Variants in RAD51B observed in about 807,000 individuals in gnomAD.
RAD51B encodes the protein DNA repair protein RAD51 homolog 2.
A neutral mutation model predicts 42.2 loss-of-function variants in RAD51B; 38 were observed. The observed-to-expected ratio is 0.90, with a 90% CI of 0.70 to 1.18. The LOEUF is 1.18. RAD51B is among the 50% of genes most tolerant of loss of function. The pLI is 0.00. For missense variants in RAD51B, 373 were observed against 400.7 expected, an observed-to-expected ratio of 0.93 and a Z score of 0.59; for synonymous variants, 154 against 145.2, an observed-to-expected ratio of 1.06 and a Z score of -0.43.
intron 7 of RAD51B, among the ~76,000 whole-genome samples, chr14:68,276,426 A>G (rs2081226538): frequency 6.6e-6 from 1 of 152,100 alleles, no homozygotes; most frequent in Admixed American, 6.5e-5. Context: ...TTTTTTTTAA[A>G]CAGAAAAATA....
intron 9 of RAD51B, among the ~76,000 whole-genome samples, chr14:68,443,286 C>G (rs571265840): frequency 9.2e-5 from 14 of 152,230 alleles, no homozygotes; most frequent in South Asian, 2.1e-4. Flanking sequence ...TGTGGCTTCC[C>G]ATCGAGTCAG....
At position 68,411,454 on chromosome 14, in the gene RAD51B, C is replaced by T; in HGVS notation, c.884C>T (p.Ala295Val). ...TCTGGATCCAGCTGTGTGATAGCCG[C>T]ACTAGGAAATACCTGGAGTCACAGT... ...GTSGSSCVIA[A>V]LGNTWSHSVN... The change falls in exon 9 of 11, where the codon GCA becomes GTA. Residue 295 changes from alanine to valine, a missense_variant. Coordinates refer to ENST00000471583, the MANE Select transcript of RAD51B (RefSeq NM_133510.4). 1.9e-6 allele frequency: 3 copies of T among 1,614,118 alleles called. No individual in the cohort carries two copies. Among genetic ancestry groups the T allele is most frequent in the South Asian group, 1.1e-5 (1 of 91,088 alleles).
intron 7 of RAD51B, among the ~76,000 whole-genome samples, chr14:67,945,009 CT>C (rs762845398): frequency 3.3e-5 from 5 of 152,266 alleles, no homozygotes; most frequent in African/African-American, 1.2e-4. Context: ...GAATATATTA[CT>C]GTATTAAAAT....
intron 10 of RAD51B, among the ~76,000 whole-genome samples, chr14:68,618,763 CT>C (rs1891878691): frequency 6.6e-6 from 1 of 152,196 alleles, no homozygotes; most frequent in South Asian, 2.1e-4. Context: ...GAGCCTAGCC[CT>C]GACTACTTGA....
intron 9 of RAD51B, among the ~76,000 whole-genome samples, chr14:68,430,962 G>A (rs1221866014): frequency 6.6e-6 from 1 of 152,134 alleles, no homozygotes; most frequent in Non-Finnish European, 1.5e-5. Flanking sequence ...TAGCATGAAG[G>A]GCTGTTGAAT....
chr14:68,418,181 A>G (rs559020723), intron 9 of RAD51B, among the ~76,000 whole-genome samples: 12 of 152,242 alleles, frequency 7.9e-5, no homozygotes, highest in Non-Finnish European at 1.6e-4. Flanking sequence ...CGTTACCACC[A>G]TTTCAAAAAG....
At chr14:68,133,280 T>A (rs2767368) in intron 7 of RAD51B, among the ~76,000 whole-genome samples, 134,780 of 152,226 alleles carry the variant, frequency 0.89, 60,016 homozygotes, top group East Asian at 0.99. Flanking sequence ...CACGTATTTC[T>A]ACTCAAGGAT....
At chr14:68,271,710 G>A (rs1251943189) in intron 7 of RAD51B, among the ~76,000 whole-genome samples, 1 of 152,148 alleles carries the variant, frequency 6.6e-6, no homozygotes, top group South Asian at 2.1e-4. Flanking sequence ...AGAGTGGCCA[G>A]GATTAAAGGA....
At chr14:67,943,148 T>C (rs1298805578) in intron 7 of RAD51B, among the ~76,000 whole-genome samples, 1 of 152,112 alleles carries the variant, frequency 6.6e-6, no homozygotes, top group Non-Finnish European at 1.5e-5. Context: ...AAAGTGATTC[T>C]AAAGGACATT....
chr14:68,429,881 G>T (rs918748447), intron 9 of RAD51B, among the ~76,000 whole-genome samples: 2 of 152,130 alleles, frequency 1.3e-5, no homozygotes, highest in African/African-American at 4.8e-5. Context: ...ATGGTTTTAG[G>T]TCCAACATGT....
At chr14:67,842,342 A>C (rs1264495178) in intron 4 of RAD51B, among the ~76,000 whole-genome samples, 1 of 151,976 alleles carries the variant, frequency 6.6e-6, no homozygotes. Flanking sequence ...CAGTGAAGAG[A>C]GATGATTTTG....
chr14:68,540,188 TTTTA>T (rs1887882796), intron 10 of RAD51B: 18 of 960,208 alleles, frequency 1.9e-5, no homozygotes, highest in African/African-American at 5.3e-5. Context: ...TTTTTTTTTT[TTTTA>T]AATACAGGAT....
Position 68,259,977 on chromosome 14 carries a change from A to G in RAD51B, c.757-31907A>G, listed in dbSNP as rs147027961. On this transcript the variant is annotated intron_variant, in intron 7 of 10. Coordinates refer to ENST00000471583, the MANE Select transcript of RAD51B (RefSeq NM_133510.4). ...CCTCAAGGAGCTTTCATTCCAGTGG[A>G]AGAATTCAGATAATACACAAAATAA... Among the ~76,000 whole-genome samples the G allele has an allele frequency of 6.2e-3, 942 of 152,326 alleles. 11 individuals carry two copies. Among genetic ancestry groups the G allele is most frequent in the African/African-American group, 0.02 (829 of 41,558 alleles).
chr14:68,044,083 T>A (rs2076260343), intron 7 of RAD51B, among the ~76,000 whole-genome samples: 1 of 152,218 alleles, frequency 6.6e-6, no homozygotes, highest in Non-Finnish European at 1.5e-5. Context: ...ACTGTCAGCT[T>A]CCTATTGTTT....
At chr14:68,492,661 T>C (rs7142882) in intron 10 of RAD51B, among the ~76,000 whole-genome samples, 100,585 of 152,102 alleles carry the variant, frequency 0.66, 34,468 homozygotes, top group African/African-American at 0.85. Flanking sequence ...AGCAGGTGCC[T>C]AGTGGTACAG....
Position 67,887,029 on chromosome 14 carries a change from C to A in RAD51B, c.581C>A (p.Ser194Tyr). The change falls in exon 7 of 11, where the codon TCT becomes TAT. Residue 194 changes from serine to tyrosine, a missense_variant. Transcript: ENST00000471583. ...TCDEVLQRIE[S>Y]LEEEIISKGI... ...AAATTCTTCTTTTATAGGATTGAAT[C>A]TTTGGAAGAAGAAATTATCTCAAAA... 3 of 1,494,270 alleles carry A rather than the reference C, an allele frequency of 2.0e-6. No homozygotes were observed. The highest frequency in any genetic ancestry group is 1.3e-5 in the South Asian group (1 of 79,286). The allele number at this position is 1,494,270 out of a possible 1,614,324, so 92.6% of individuals were successfully genotyped here. A position where few individuals can be genotyped will look rare whatever the true frequency, so the allele number is the denominator to read the frequency against.
chr14:67,851,019 T>C (rs2041787431), intron 4 of RAD51B, among the ~76,000 whole-genome samples: 1 of 152,274 alleles, frequency 6.6e-6, no homozygotes, highest in South Asian at 2.1e-4. Flanking sequence ...TATAGGTAGC[T>C]GTGTGGCTCC....
intron 10 of RAD51B, chr14:68,471,909 T>A (rs940755325): frequency 3.3e-5 from 5 of 153,496 alleles, no homozygotes; most frequent in Non-Finnish European, 7.3e-5. Context: ...TCCTGAGGGT[T>A]TGGACTCTGA....
At chr14:68,137,572 T>C (rs2078036823) in intron 7 of RAD51B, among the ~76,000 whole-genome samples, 1 of 152,200 alleles carries the variant, frequency 6.6e-6, no homozygotes, top group African/African-American at 2.4e-5. Context: ...TGTTGAACAT[T>C]TGTTTACTGT....
Sources: gnomAD v4.1 joint callset for allele counts (sites outside exome capture counted in the v4.1 genomes callset) on GRCh38, gnomAD v4.1.1 for gene constraint, MANE v1.5 for transcripts, NCBI Gene and HGNC (gene_info 2026-07-23, HGNC 2026-07-21) for gene names.